BARD1: variants seen among roughly 807,000 people sequenced by gnomAD.
BARD1 encodes BRCA1-associated RING domain protein 1.
A neutral mutation model predicts 77.0 loss-of-function variants in BARD1; 73 were observed. That is an observed-to-expected ratio of 0.95 (90% CI 0.79 to 1.15). The LOEUF (loss-of-function observed/expected upper bound fraction) is 1.15, where lower values mean the gene tolerates loss of function less well. Ranked by LOEUF, BARD1 falls within the 50% of genes most tolerant of loss-of-function variation. The pLI is 0.00. For synonymous variants in BARD1, 384 were observed against 338.0 expected, an observed-to-expected ratio of 1.14 and a Z score of -1.49; for missense variants, 993 against 938.8, an observed-to-expected ratio of 1.06 and a Z score of -0.75.
At chr2:214,794,693 A>G (rs1226043927) in intron 2 of BARD1, among the ~76,000 whole-genome samples, 6 of 152,200 alleles carry the variant, frequency 3.9e-5, no homozygotes, top group South Asian at 2.1e-4. Context: ...CCCCTGCCAC[A>G]TGTCTTAAAT....
Position 214,726,468 on chromosome 2 carries a change from TA to T in BARD1, c.*2207del. On this transcript the variant is annotated 3_prime_UTR_variant, in exon 11 of 11. Coordinates refer to ENST00000260947, the MANE Select transcript of BARD1 (RefSeq NM_000465.4). Reference sequence around the variant, plus strand: ...CTGTATTCGGAATAATCTAAGGTAATAAAGTATCTAGTACACTTTAGAAATA... The same window carrying T: ...CTGTATTCGGAATAATCTAAGGTAATAAGTATCTAGTACACTTTAGAAATA... 1 of 215,220 alleles carries T rather than the reference TA, an allele frequency of 4.6e-6. No homozygotes were observed. The highest frequency in any genetic ancestry group is 9.4e-6 in the Non-Finnish European group (1 of 106,710). The allele number at this position is 215,220 out of a possible 1,614,324, so 13.3% of individuals were successfully genotyped here.
chr2:214,801,247 T>C lies in BARD1; in HGVS notation c.159-4130A>G, dbSNP rs76081286. Among the ~76,000 whole-genome samples, 1,302 of 152,324 alleles carry C rather than the reference T, an allele frequency of 8.5e-3. 11 individuals carry two copies. The highest frequency in any genetic ancestry group is 0.014 in the Non-Finnish European group (944 of 68,026). ...CAAAAGACCACAAACAACCTAAATG[T>C]TTCCAATAAGGAAATGGTTAAATGA... On this transcript the variant is annotated intron_variant, in intron 1 of 10. Coordinates refer to ENST00000260947, the MANE Select transcript of BARD1 (RefSeq NM_000465.4).
intron 4 of BARD1, among the ~76,000 whole-genome samples, chr2:214,769,698 G>A (rs1280944750): frequency 6.6e-6 from 1 of 152,164 alleles, no homozygotes; most frequent in Admixed American, 6.5e-5. Context: ...CCAAGATCAT[G>A]TCACTGCACT....
chr2:214,773,874 T>C (rs78605655), intron 4 of BARD1, among the ~76,000 whole-genome samples: 5,478 of 152,344 alleles, frequency 0.036, 113 homozygotes, highest in Middle Eastern at 0.068. Context: ...GGTAGCATTT[T>C]ATCTGCGTAG....
intron 5 of BARD1, 64 bp from the exon 6 acceptor site, chr2:214,767,718 A>G: frequency 7.0e-7 from 1 of 1,425,356 alleles, no homozygotes; most frequent in African/African-American, 1.4e-5. Context: ...ATGATATTAT[A>G]ATATCACACT....
Position 214,740,774 on chromosome 2 carries a change from C to T in BARD1, c.1903+4293G>A, listed in dbSNP as rs75281881. On this transcript the variant is annotated intron_variant, in intron 9 of 10. Transcript: ENST00000260947. ...CTTTTTCTTTCATCTGTATTTCTTG[C>T]GTAGGGTAAATTCTCAGAACTGGGA... is the stretch of plus-strand genomic sequence containing the variant. Among the ~76,000 whole-genome samples the T allele has an allele frequency of 2.8e-3, 430 of 151,948 alleles. 5 individuals carry two copies. In the East Asian group the frequency reaches 0.045, roughly 16 times the overall value.
At chr2:214,789,638 A>G (rs541556991) in intron 3 of BARD1, among the ~76,000 whole-genome samples, 30 of 152,174 alleles carry the variant, frequency 2.0e-4, no homozygotes, top group Non-Finnish European at 4.1e-4. Flanking sequence ...TTCAACAAAC[A>G]TAATGAATAC....
chr2:214,751,140 T>C (rs1559393109), intron 7 of BARD1, among the ~76,000 whole-genome samples: 6 of 45,846 alleles, frequency 1.3e-4, no homozygotes, highest in East Asian at 5.7e-4. Flanking sequence ...TATATATATA[T>C]ATATATATAT....
At chr2:214,781,666 T>C (rs1695045711) in intron 3 of BARD1, among the ~76,000 whole-genome samples, 157 bp from the exon 4 acceptor site, 1 of 152,194 alleles carries the variant, frequency 6.6e-6, no homozygotes, top group African/African-American at 2.4e-5. Context: ...TGATAGCAGA[T>C]ATTCACTCAT....
At position 214,809,588 on chromosome 2, in the gene BARD1, A is replaced by G. The variant is rs1553628516; in HGVS notation, c.-19T>C. Reference sequence around the variant, plus strand: ...CCGGCATCGTCCCGCCTTCGGATGAAAGGCTCCTCGCAGAGCGGGAAGCAA... The same window carrying G: ...CCGGCATCGTCCCGCCTTCGGATGAGAGGCTCCTCGCAGAGCGGGAAGCAA... On this transcript the variant is annotated 5_prime_UTR_variant, in exon 1 of 11. Coordinates refer to ENST00000260947, the MANE Select transcript of BARD1 (RefSeq NM_000465.4). 2.0e-6 allele frequency: 3 copies of G among 1,536,406 alleles called. No homozygotes were observed. The highest frequency in any genetic ancestry group is 2.6e-6 in the Non-Finnish European group (3 of 1,144,590).
chr2:214,785,414 TA>T lies in BARD1; in HGVS notation c.365-3906del, dbSNP rs539996611. The stretch of plus-strand genomic sequence containing the variant: ...AATTCTCTCCCACCCCATGACAACA[TA>T]GGTAAAATCAACCCAGCTCAGCCCA... On this transcript the variant is annotated intron_variant, in intron 3 of 10. Transcript: ENST00000260947. Among the ~76,000 whole-genome samples, 1,154 of 152,114 alleles carry T rather than the reference TA, an allele frequency of 7.6e-3. 6 individuals carry two copies. Among genetic ancestry groups the T allele is most frequent in the Admixed American group, 0.012 (182 of 15,272 alleles).
chr2:214,756,343 T>C (rs1320770793), intron 6 of BARD1, among the ~76,000 whole-genome samples: 6 of 152,148 alleles, frequency 3.9e-5, no homozygotes, highest in Admixed American at 2.6e-4. Flanking sequence ...GATGTTGGCA[T>C]AGATGTGGTA....
chr2:214,760,964 C>T (rs549599357), intron 6 of BARD1, among the ~76,000 whole-genome samples: 8 of 150,780 alleles, frequency 5.3e-5, no homozygotes, highest in Middle Eastern at 3.4e-3. Context: ...TTAGTAGAGA[C>T]GGGGTTTCAC....
chr2:214,805,366 G>A (rs768894265), intron 1 of BARD1, among the ~76,000 whole-genome samples: 1 of 152,138 alleles, frequency 6.6e-6, no homozygotes, highest in Non-Finnish European at 1.5e-5. Context: ...CTTACACAGT[G>A]TCTCAGTGAT....
chr2:214,783,683 T>C (rs1490180448), intron 3 of BARD1, among the ~76,000 whole-genome samples: 1 of 151,904 alleles, frequency 6.6e-6, no homozygotes, highest in Non-Finnish European at 1.5e-5. Flanking sequence ...TATAGACCAA[T>C]GGAACAGAAC....
chr2:214,799,408 CAAAT>C (rs1371474130), intron 1 of BARD1, among the ~76,000 whole-genome samples: 2 of 152,276 alleles, frequency 1.3e-5, no homozygotes, highest in Admixed American at 1.3e-4. Context: ...AATAAACAAA[CAAAT>C]GAATAGATGG....
intron 7 of BARD1, among the ~76,000 whole-genome samples, chr2:214,751,460 G>C (rs1693449606): frequency 6.6e-6 from 1 of 151,524 alleles, no homozygotes; most frequent in African/African-American, 2.4e-5. Context: ...ACTGCACCTG[G>C]CCTTTCTGTG....
intron 9 of BARD1, among the ~76,000 whole-genome samples, chr2:214,735,393 C>G (rs1288701073): frequency 6.6e-6 from 1 of 152,184 alleles, no homozygotes; most frequent in Admixed American, 6.6e-5. Context: ...TGGGGACACA[C>G]TTGTTTGTCA....
intron 4 of BARD1, among the ~76,000 whole-genome samples, chr2:214,779,696 C>A (rs188847244): frequency 1.3e-5 from 2 of 152,260 alleles, no homozygotes; most frequent in East Asian, 3.9e-4. Context: ...AGTGGTTCCT[C>A]CCAGGTGTCC....
Sources: allele counts gnomAD v4.1 joint callset (sites outside exome capture counted in the v4.1 genomes callset), GRCh38; gene constraint gnomAD v4.1.1; transcripts MANE v1.5; gene names NCBI Gene and HGNC (gene_info 2026-07-23, HGNC 2026-07-21).